DNAH9: variants seen among roughly 807,000 people sequenced by gnomAD.
The protein encoded by DNAH9 is DNAH9 variant protein.
In DNAH9, 345 loss-of-function variants were observed where a neutral mutation model predicts 471.6. That is an observed-to-expected ratio of 0.73 (90% CI 0.67 to 0.80). The LOEUF is 0.80. Among genes scored for constraint, DNAH9 ranks in the 30% least tolerant of loss-of-function variants. The pLI is 0.00. For missense variants in DNAH9, 5,407 were observed against 5,609.2 expected (o/e 0.96, Z 1.15); for synonymous variants, 2,093 against 2,123.6 (o/e 0.99, Z 0.40).
intron 61 of DNAH9, among the ~76,000 whole-genome samples, chr17:11,909,181 C>G (rs1214126155): frequency 1.3e-5 from 2 of 152,180 alleles, no homozygotes; most frequent in Non-Finnish European, 2.9e-5. Context: ...TCTTGATGCT[C>G]TGGCATTTGT....
At chr17:11,648,088 G>A (rs994158403) in intron 12 of DNAH9, among the ~76,000 whole-genome samples, 1 of 152,126 alleles carries the variant, frequency 6.6e-6, no homozygotes, top group African/African-American at 2.4e-5. Context: ...ATAACTAAAG[G>A]TTAGTTGGTT....
chr17:11,967,337 G>T (rs533858732), intron 68 of DNAH9, among the ~76,000 whole-genome samples: 46 of 152,098 alleles, frequency 3.0e-4, no homozygotes, highest in African/African-American at 1.1e-3. Context: ...CAACTCCTGA[G>T]CTCAAGAGAT....
At chr17:11,883,777 A>C in intron 56 of DNAH9, 27 bp downstream of exon 56, 1 of 1,605,370 alleles carries the variant, frequency 6.2e-7, no homozygotes. Context: ...TAGTCTGGGA[A>C]GGCAGCCTAG....
intron 29 of DNAH9, among the ~76,000 whole-genome samples, chr17:11,741,718 G>A (rs2075435631): frequency 1.3e-5 from 2 of 152,172 alleles, no homozygotes; most frequent in African/African-American, 4.8e-5. Context: ...GATTAGAGGA[G>A]ACACACATTT....
rs145336689 is a variant in DNAH9 at position 11,627,838 on chromosome 17, G to C, written c.1351-1579G>C. Reference sequence around the variant, plus strand: ...TCTGCGTGGGTACCCTCCTTGCCAAGCAGGGAAAGTCAGCCATTGTCCCCA... The same window carrying C: ...TCTGCGTGGGTACCCTCCTTGCCAACCAGGGAAAGTCAGCCATTGTCCCCA... On this transcript the variant is annotated intron_variant, in intron 6 of 68. Transcript: ENST00000262442. Among the ~76,000 whole-genome samples, 651 of 152,272 alleles carry C rather than the reference G, an allele frequency of 4.3e-3. 4 individuals carry two copies. Among genetic ancestry groups the C allele is most frequent in the African/African-American group, 0.014 (587 of 41,556 alleles).
At chr17:11,848,098 G>C (rs541378759) in intron 49 of DNAH9, among the ~76,000 whole-genome samples, 92 of 152,122 alleles carry the variant, frequency 6.0e-4, no homozygotes, top group Middle Eastern at 3.4e-3. Context: ...GTACTCTCTC[G>C]TAGGTCTCTT....
intron 38 of DNAH9, among the ~76,000 whole-genome samples, chr17:11,771,005 A>G (rs1366149923): frequency 6.6e-6 from 1 of 152,192 alleles, no homozygotes; most frequent in African/African-American, 2.4e-5. Flanking sequence ...CACAGATACA[A>G]TGGATGAAAA....
rs1033591525 is a variant in DNAH9 at position 11,652,674 on chromosome 17, A to T, written c.2354-87A>T. ...GAAAAGTCTTATAACACTCGCAAGT[A>T]TTAAATCCCTGTCTTTCATAGCAAC... On this transcript the variant is annotated intron_variant, in intron 13 of 68. Coordinates refer to ENST00000262442, the MANE Select transcript of DNAH9 (RefSeq NM_001372.4). 3.2e-6 allele frequency: 4 copies of T among 1,266,964 alleles called. No individual in the cohort carries two copies. The African/African-American group carries it at 6.0e-5, about 19-fold the overall frequency. 78.5% of individuals were successfully genotyped at this position (1,266,964 alleles called of 1,614,324 possible). A position where few individuals can be genotyped will look rare whatever the true frequency, so the allele number is the denominator to read the frequency against.
At chr17:11,611,895 C>T (rs781072903) in intron 4 of DNAH9, 115 bp downstream of exon 4, 38 of 985,624 alleles carry the variant, frequency 3.9e-5, no homozygotes, top group East Asian at 2.1e-4. Flanking sequence ...ATTTCCGACC[C>T]GACACAAACT....
intron 61 of DNAH9, among the ~76,000 whole-genome samples, chr17:11,918,052 C>T (rs144459812): frequency 2.2e-3 from 337 of 152,268 alleles, no homozygotes; most frequent in Non-Finnish European, 4.0e-3. Flanking sequence ...TTCTCTCCAA[C>T]GTTCTGAGAT....
At chr17:11,772,591 T>G (rs920602381) in intron 38 of DNAH9, among the ~76,000 whole-genome samples, 2 of 152,142 alleles carry the variant, frequency 1.3e-5, no homozygotes, top group Admixed American at 1.3e-4. Context: ...GCCTCCCCAG[T>G]AGTGACTACA....
intron 41 of DNAH9, 150 bp downstream of exon 41, chr17:11,784,689 G>A: frequency 8.8e-7 from 1 of 1,141,802 alleles, no homozygotes; most frequent in Admixed American, 2.2e-5. Flanking sequence ...GGTACACACA[G>A]TGCCATGGGC....
chr17:11,969,034 A>T (rs1347092822), intron 68 of DNAH9, among the ~76,000 whole-genome samples: 1 of 152,244 alleles, frequency 6.6e-6, no homozygotes, highest in African/African-American at 2.4e-5. Context: ...ACTAGGAGAG[A>T]ATCAAGCTCC....
chr17:11,925,120 T>C (rs1041908299), intron 62 of DNAH9: 1 of 442,608 alleles, frequency 2.3e-6, no homozygotes. Context: ...TACGTTGACA[T>C]GGTTTATTTT....
chr17:11,762,630 T>G (rs1967726851), intron 35 of DNAH9, among the ~76,000 whole-genome samples: 1 of 152,080 alleles, frequency 6.6e-6, no homozygotes, highest in Admixed American at 6.6e-5. Context: ...CCTGGTCCAC[T>G]CTACTTCCCA....
intron 61 of DNAH9, among the ~76,000 whole-genome samples, chr17:11,913,549 G>A (rs565630454): frequency 2.0e-5 from 3 of 152,132 alleles, no homozygotes; most frequent in South Asian, 2.1e-4. Flanking sequence ...TTGGGAGGCC[G>A]AGGCGAGCGG....
intron 37 of DNAH9, 146 bp from the exon 38 acceptor site, chr17:11,768,976 A>G: frequency 3.6e-6 from 3 of 830,656 alleles, no homozygotes; most frequent in Non-Finnish European, 5.8e-6. Flanking sequence ...CACTGTGAAC[A>G]TCAGGGAAGA....
chr17:11,618,193 T>C (rs2072784183), intron 5 of DNAH9, among the ~76,000 whole-genome samples: 1 of 152,234 alleles, frequency 6.6e-6, no homozygotes, highest in Admixed American at 6.5e-5. Flanking sequence ...CATAAGCTAT[T>C]GAGAAGCAGC....
chr17:11,673,105 C>T (rs2073996884), intron 17 of DNAH9, among the ~76,000 whole-genome samples: 1 of 152,230 alleles, frequency 6.6e-6, no homozygotes, highest in South Asian at 2.1e-4. Flanking sequence ...AGTCTTCTGA[C>T]CAGTCCTACA....
Sources: gnomAD v4.1 joint callset for allele counts (sites outside exome capture counted in the v4.1 genomes callset) on GRCh38, gnomAD v4.1.1 for gene constraint, MANE v1.5 for transcripts, NCBI Gene and HGNC (gene_info 2026-07-23, HGNC 2026-07-21) for gene names.